DISC1: variants seen among roughly 807,000 people sequenced by gnomAD.
DISC1 encodes the protein disrupted in schizophrenia 1 protein.
In DISC1, 57 loss-of-function variants were observed where a neutral mutation model predicts 84.5. That is an observed-to-expected ratio of 0.67 (90% CI 0.55 to 0.84). DISC1 has a LOEUF of 0.84. Among genes scored for constraint, DISC1 ranks in the 40% least tolerant of loss-of-function variants. DISC1 has a pLI of 0.00. For missense variants in DISC1, 1,000 were observed against 1,057.8 expected, an observed-to-expected ratio of 0.95 and a Z score of 0.76; for synonymous variants, 411 against 415.2, an observed-to-expected ratio of 0.99 and a Z score of 0.12.
At chr1:231,692,638 T>C (rs1377443568) in intron 1 of DISC1, among the ~76,000 whole-genome samples, 2 of 152,228 alleles carry the variant, frequency 1.3e-5, no homozygotes, top group African/African-American at 4.8e-5. Flanking sequence ...CCATAGGCCA[T>C]GGTATGATTA....
intron 4 of DISC1, among the ~76,000 whole-genome samples, chr1:231,762,129 TTTTC>T (rs766057640): frequency 7.5e-4 from 114 of 151,600 alleles, no homozygotes; most frequent in Non-Finnish European, 1.1e-3. Flanking sequence ...TTCTTTTTTC[TTTTC>T]TTTCTTTCTT....
chr1:231,725,565 A>G (rs540568738), intron 3 of DISC1, among the ~76,000 whole-genome samples: 39 of 152,310 alleles, frequency 2.6e-4, no homozygotes, highest in African/African-American at 8.7e-4. Flanking sequence ...CCGAGAGCCC[A>G]TATGTTGCTG....
At chr1:231,940,651 A>G (rs2091269639) in intron 9 of DISC1, among the ~76,000 whole-genome samples, 2 of 152,056 alleles carry the variant, frequency 1.3e-5, no homozygotes, top group Non-Finnish European at 2.9e-5. Flanking sequence ...TTTAGGGTGT[A>G]TTTGAGAGGA....
intron 3 of DISC1, among the ~76,000 whole-genome samples, chr1:231,715,636 A>G (rs2068595347): frequency 6.6e-6 from 1 of 152,178 alleles, no homozygotes; most frequent in Non-Finnish European, 1.5e-5. Context: ...TTCTCACTGA[A>G]TTGACTGATT....
chr1:231,967,450 G>T (rs1158041450), intron 10 of DISC1, among the ~76,000 whole-genome samples: 1 of 152,150 alleles, frequency 6.6e-6, no homozygotes, highest in Non-Finnish European at 1.5e-5. Context: ...TATGTATGTA[G>T]TAATACATGT....
chr1:232,029,059 C>T (rs185613025), intron 12 of DISC1, among the ~76,000 whole-genome samples: 1 of 152,136 alleles, frequency 6.6e-6, no homozygotes, highest in Non-Finnish European at 1.5e-5. Context: ...AGTAAATGGA[C>T]AGGTCTGTTC....
At chr1:232,025,557 G>C (rs1307254496) in intron 11 of DISC1, among the ~76,000 whole-genome samples, 1 of 151,974 alleles carries the variant, frequency 6.6e-6, no homozygotes, top group African/African-American at 2.4e-5. Context: ...CTATGCCAGG[G>C]GCTCTAGGGA....
At chr1:231,738,119 G>C (rs1443639921) in intron 3 of DISC1, among the ~76,000 whole-genome samples, 2 of 152,138 alleles carry the variant, frequency 1.3e-5, no homozygotes, top group Non-Finnish European at 2.9e-5. Flanking sequence ...CAAGTGCTGG[G>C]ATTACAGGTG....
chr1:231,679,250 C>T (rs1411185368), intron 1 of DISC1, among the ~76,000 whole-genome samples: 6 of 152,314 alleles, frequency 3.9e-5, no homozygotes, highest in South Asian at 4.1e-4. Context: ...TCTGACCGGG[C>T]GGGCACTTAG....
At chr1:231,778,986 T>TA (rs1444303587) in intron 6 of DISC1, among the ~76,000 whole-genome samples, 2 of 151,916 alleles carry the variant, frequency 1.3e-5, no homozygotes, top group Non-Finnish European at 2.9e-5. Context: ...GCATCAATGC[T>TA]AAAACGAGAT....
intron 9 of DISC1, among the ~76,000 whole-genome samples, chr1:231,860,494 G>A (rs1574298790): frequency 6.6e-6 from 1 of 152,048 alleles, no homozygotes; most frequent in Non-Finnish European, 1.5e-5. Flanking sequence ...TCAGATTTTT[G>A]GATTAGAAAC....
At chr1:231,711,342 T>A (rs2067802923) in intron 3 of DISC1, among the ~76,000 whole-genome samples, 1 of 151,614 alleles carries the variant, frequency 6.6e-6, no homozygotes, top group Admixed American at 6.6e-5. Flanking sequence ...TTTATTTTTG[T>A]ATGAGGACAT....
At chr1:231,762,539 T>C (rs2075840212) in intron 4 of DISC1, among the ~76,000 whole-genome samples, 3 of 138,020 alleles carry the variant, frequency 2.2e-5, no homozygotes, top group Non-Finnish European at 4.6e-5. Context: ...TTGGTAGAGA[T>C]AAGGTCTCAC....
chr1:231,958,874 G>T lies in DISC1; in HGVS notation c.2028G>T (p.Lys676Asn). 2 of 1,613,644 alleles carry T rather than the reference G, an allele frequency of 1.2e-6. No individual in the cohort carries two copies. The highest frequency in any genetic ancestry group is 1.7e-6 in the Non-Finnish European group (2 of 1,179,752). ...ENTMKYMETLKNKLCSCKCPL... is the reference protein window; with the variant it reads ...ENTMKYMETLNNKLCSCKCPL... ...CTATGAAGTACATGGAAACACTTAA[G>T]AATAAACTGTGCAGGTAAGGATAAT... is the stretch of plus-strand genomic sequence containing the variant. Residue 676 changes from lysine to asparagine, a missense_variant, in exon 10 of 13, where the codon AAG becomes AAT. Lys to Asn is a moderately conservative substitution (Grantham distance 94). Transcript: ENST00000439617.
At chr1:231,631,509 G>A (rs996465994) in intron 1 of DISC1, among the ~76,000 whole-genome samples, 4 of 152,116 alleles carry the variant, frequency 2.6e-5, no homozygotes, top group Non-Finnish European at 4.4e-5. Context: ...GCCTTCCAAC[G>A]GGACAAGGTG....
intron 1 of DISC1, among the ~76,000 whole-genome samples, chr1:231,692,184 C>A (rs1340549559): frequency 6.6e-6 from 1 of 152,150 alleles, no homozygotes; most frequent in East Asian, 1.9e-4. Flanking sequence ...GGGAATAGTA[C>A]CGATCTCCTA....
chr1:231,879,077 A>G (rs1409652662), intron 9 of DISC1, among the ~76,000 whole-genome samples: 3 of 151,010 alleles, frequency 2.0e-5, no homozygotes, highest in Non-Finnish European at 4.4e-5. Context: ...GCTTGGGATC[A>G]GGAGTGTTTC....
At chr1:231,686,963 TAAC>T (rs1165894347) in intron 1 of DISC1, among the ~76,000 whole-genome samples, 1 of 152,172 alleles carries the variant, frequency 6.6e-6, no homozygotes, top group African/African-American at 2.4e-5. Context: ...TGCTAAAACA[TAAC>T]AAGAGTCACC....
At chr1:231,896,396 A>G (rs1343455280) in intron 9 of DISC1, among the ~76,000 whole-genome samples, 1 of 152,204 alleles carries the variant, frequency 6.6e-6, no homozygotes, top group African/African-American at 2.4e-5. Context: ...TATGGCTTCT[A>G]CTGACAGCTA....
Sources: allele counts gnomAD v4.1 joint callset (sites outside exome capture counted in the v4.1 genomes callset), GRCh38; gene constraint gnomAD v4.1.1; transcripts MANE v1.5; gene names NCBI Gene and HGNC (gene_info 2026-07-23, HGNC 2026-07-21).